The following GPC5 variants were observed in gnomAD, a reference collection of about 807,000 sequenced individuals.
The protein encoded by GPC5 is glypican-5.
In GPC5, 47 loss-of-function variants were observed where a neutral mutation model predicts 53.9. The ratio of observed to expected loss-of-function variants is 0.87; its 90% confidence interval spans 0.69 to 1.11. The LOEUF is 1.11. GPC5 is among the 50% of genes most tolerant of loss of function. The probability of loss-of-function intolerance (pLI) is 0.00; values close to 1 mark genes in which losing one functional copy is unlikely to be tolerated. For missense variants in GPC5, 748 were observed against 713.1 expected (o/e 1.05, Z -0.56); for synonymous variants, 286 against 263.3 (o/e 1.09, Z -0.84).
intron 5 of GPC5, among the ~76,000 whole-genome samples, chr13:91,863,576 A>AT (rs2039053610): frequency 1.3e-5 from 2 of 151,828 alleles, no homozygotes; most frequent in African/African-American, 4.8e-5. Context: ...CTCTATATAT[A>AT]TTTTTTCCTA....
At chr13:92,690,639 C>A (rs948777606) in intron 7 of GPC5, among the ~76,000 whole-genome samples, 2 of 145,684 alleles carry the variant, frequency 1.4e-5, no homozygotes, top group African/African-American at 5.1e-5. Context: ...GGAGGAGAGG[C>A]GCTCTGCGTT....
chr13:92,797,240 G>A (rs1167285651), intron 7 of GPC5, among the ~76,000 whole-genome samples: 1 of 151,882 alleles, frequency 6.6e-6, no homozygotes, highest in Non-Finnish European at 1.5e-5. Context: ...CCCATTAAAT[G>A]TAAAACCTGT....
chr13:92,558,425 T>C (rs886697691), intron 7 of GPC5, among the ~76,000 whole-genome samples: 3 of 152,054 alleles, frequency 2.0e-5, no homozygotes, highest in Non-Finnish European at 4.4e-5. Flanking sequence ...GTGCACATAA[T>C]TGCATAAAAT....
At chr13:91,808,426 G>GAC (rs1032148552) in intron 5 of GPC5, among the ~76,000 whole-genome samples, 9 of 152,052 alleles carry the variant, frequency 5.9e-5, no homozygotes, top group Non-Finnish European at 1.2e-4. Flanking sequence ...TCTTTGAACT[G>GAC]ACACTGAACA....
At chr13:91,440,232 T>C (rs957700679) in intron 1 of GPC5, among the ~76,000 whole-genome samples, 8 of 152,178 alleles carry the variant, frequency 5.3e-5, no homozygotes, top group African/African-American at 1.9e-4. Context: ...TATGTTACAC[T>C]TTTTGCTATT....
chr13:91,555,393 A>G (rs1227270122), intron 2 of GPC5, among the ~76,000 whole-genome samples: 1 of 152,084 alleles, frequency 6.6e-6, no homozygotes, highest in East Asian at 1.9e-4. Context: ...AAATTTTGTA[A>G]GAGCATCTGG....
In GPC5 at chr13:92,779,773, A is replaced by T. The variant is rs569786120; in HGVS notation, c.1562-86509A>T. On this transcript the variant is annotated intron_variant, in intron 7 of 7. Transcript: ENST00000377067. ...CATTCAAAGGTTAATTTATCAGTTT[A>T]CTCAGAGGTCACTGATCTCCCAACA... Among the ~76,000 whole-genome samples the T allele has an allele frequency of 1.5e-4, 23 of 152,300 alleles. No homozygotes were observed. The South Asian group carries it at 4.8e-3, about 32-fold the overall frequency.
At chr13:92,847,822 C>A (rs1241613084) in intron 7 of GPC5, among the ~76,000 whole-genome samples, 3 of 152,030 alleles carry the variant, frequency 2.0e-5, no homozygotes, top group Non-Finnish European at 4.4e-5. Flanking sequence ...TAGGGGCTCA[C>A]CCTACACACA....
rs575281581 is a variant in GPC5 at position 91,723,699 on chromosome 13, G to C, written c.1021-4833G>C. ...TCCTCTCTGATTTCACTGGTTCTGA[G>C]TTTATTCCAATATTCTCTTACCTCA... On this transcript the variant is annotated intron_variant, in intron 3 of 7. Coordinates refer to ENST00000377067, the MANE Select transcript of GPC5 (RefSeq NM_004466.6). Among the ~76,000 whole-genome samples the C allele has an allele frequency of 1.4e-4, 22 of 152,166 alleles. No homozygotes were observed. The East Asian group carries it at 4.1e-3, about 28-fold the overall frequency.
intron 7 of GPC5, among the ~76,000 whole-genome samples, chr13:92,746,582 T>G (rs914527607): frequency 6.6e-6 from 1 of 152,070 alleles, no homozygotes; most frequent in Non-Finnish European, 1.5e-5. Context: ...TAATACCCAA[T>G]GTGTCTATCA....
intron 7 of GPC5, chr13:92,449,184 C>T (rs1392388460): frequency 6.6e-6 from 1 of 152,044 alleles, no homozygotes; most frequent in Non-Finnish European, 1.5e-5. Context: ...AAAAGCCATA[C>T]ATACATTGAA....
chr13:92,519,903 G>C (rs1301642345), intron 7 of GPC5, among the ~76,000 whole-genome samples: 1 of 150,348 alleles, frequency 6.7e-6, no homozygotes, highest in Non-Finnish European at 1.5e-5. Context: ...AAAAAGAAAA[G>C]AGAGAAGAAT....
At chr13:92,364,294 A>G (rs958129295) in intron 7 of GPC5, among the ~76,000 whole-genome samples, 5 of 151,794 alleles carry the variant, frequency 3.3e-5, no homozygotes, top group African/African-American at 1.2e-4. Context: ...CACAATGGCA[A>G]TTGAATTATT....
intron 7 of GPC5, among the ~76,000 whole-genome samples, chr13:92,206,160 T>G (rs202078117): frequency 1.8e-4 from 9 of 50,060 alleles, no homozygotes; most frequent in South Asian, 6.4e-4. Flanking sequence ...TTTTTATTTT[T>G]TTTTTTATTT....
At chr13:92,222,405 T>G (rs779083958) in intron 7 of GPC5, among the ~76,000 whole-genome samples, 19 of 152,156 alleles carry the variant, frequency 1.2e-4, no homozygotes, top group Non-Finnish European at 2.4e-4. Flanking sequence ...CGATAGAAAT[T>G]AGAGAAGTTT....
intron 7 of GPC5, among the ~76,000 whole-genome samples, chr13:92,188,308 C>T (rs912456474): frequency 1.3e-5 from 2 of 151,990 alleles, no homozygotes; most frequent in African/African-American, 4.8e-5. Context: ...ATGAAAGGGG[C>T]TCAACTTGAT....
chr13:92,385,429 CATATATACATATATACATATAT>C (rs2043789838), intron 7 of GPC5, among the ~76,000 whole-genome samples: 2 of 77,184 alleles, frequency 2.6e-5, no homozygotes, highest in African/African-American at 9.2e-5. Flanking sequence ...TACATATATA[CATATATACATATATACATATAT>C]ACATATATAC....
intron 6 of GPC5, among the ~76,000 whole-genome samples, chr13:91,915,580 T>TCTGCCTTA (rs2039650459): frequency 6.6e-6 from 1 of 152,150 alleles, no homozygotes; most frequent in Non-Finnish European, 1.5e-5. Context: ...TGAGCTGTTT[T>TCTGCCTTA]TCTGCCGGGT....
At chr13:92,004,691 C>T (rs1195047268) in intron 6 of GPC5, among the ~76,000 whole-genome samples, 1 of 151,586 alleles carries the variant, frequency 6.6e-6, no homozygotes, top group East Asian at 1.9e-4. Flanking sequence ...TTAATGGACT[C>T]AGTTCCATGT....
Sources: allele counts gnomAD v4.1 joint callset (sites outside exome capture counted in the v4.1 genomes callset), GRCh38; gene constraint gnomAD v4.1.1; transcripts MANE v1.5; gene names NCBI Gene and HGNC (gene_info 2026-07-23, HGNC 2026-07-21).